Variants in SCHIP1 observed in about 807,000 individuals in gnomAD.
SCHIP1 encodes schwannomin interacting protein 1.
Under a neutral mutation model 29.7 loss-of-function variants are expected in SCHIP1, and 8 were observed. The observed-to-expected ratio is 0.27, with a 90% CI of 0.16 to 0.49. The LOEUF (loss-of-function observed/expected upper bound fraction) is 0.49. Among genes scored for constraint, SCHIP1 ranks in the 20% least tolerant of loss-of-function variants. The pLI, the probability that SCHIP1 is intolerant of heterozygous loss-of-function variation, is 0.99. For synonymous variants in SCHIP1, 76 were observed against 94.9 expected (o/e 0.80, Z 1.16); for missense variants, 193 against 294.6 (o/e 0.66, Z 2.52).
chr3:159,601,579 C>T, the SCHIP1 span, among the ~76,000 whole-genome samples: 1 of 152,196 alleles, frequency 6.6e-6, no homozygotes, highest in Admixed American at 6.5e-5. Flanking sequence ...ACAGAGGCTG[C>T]TCTGCCAGTG....
chr3:159,303,617 G>A, the SCHIP1 span, among the ~76,000 whole-genome samples: 2 of 151,996 alleles, frequency 1.3e-5, no homozygotes, highest in Non-Finnish European at 2.9e-5. Context: ...CCTACTGAGC[G>A]GTGGATTGAG....
chr3:159,515,246 C>G, the SCHIP1 span, among the ~76,000 whole-genome samples: 1 of 151,964 alleles, frequency 6.6e-6, no homozygotes, highest in East Asian at 1.9e-4. Context: ...TGCTCACAAT[C>G]CTTTAATAAT....
the SCHIP1 span, among the ~76,000 whole-genome samples, chr3:159,308,055 T>C: frequency 6.6e-6 from 1 of 152,126 alleles, no homozygotes; most frequent in East Asian, 1.9e-4. Flanking sequence ...CTTTGGTTAT[T>C]TAGGCTCTTT....
At chr3:159,493,209 C>T in the SCHIP1 span, among the ~76,000 whole-genome samples, 1 of 152,022 alleles carries the variant, frequency 6.6e-6, no homozygotes, top group Admixed American at 6.6e-5. Context: ...AGCAAAATAA[C>T]CAGCTAACAT....
the SCHIP1 span, among the ~76,000 whole-genome samples, chr3:159,491,296 C>T: frequency 6.6e-6 from 1 of 152,208 alleles, no homozygotes; most frequent in African/African-American, 2.4e-5. Context: ...TGAGTCGAAG[C>T]AGGGCGAGGC....
intron 1 of SCHIP1, among the ~76,000 whole-genome samples, chr3:159,843,001 C>CTTCTTTTTTT (rs1744394617): frequency 6.3e-5 from 4 of 63,710 alleles, no homozygotes; most frequent in African/African-American, 1.9e-4. Context: ...ATATTTCTTT[C>CTTCTTTTTTT]TTTTTTTTTT....
chr3:159,402,478 A>T, the SCHIP1 span, among the ~76,000 whole-genome samples: 1 of 152,214 alleles, frequency 6.6e-6, no homozygotes, highest in Non-Finnish European at 1.5e-5. Flanking sequence ...AGACATATGC[A>T]CACATATATT....
chr3:159,827,207 G>C, the SCHIP1 span, among the ~76,000 whole-genome samples: 2 of 152,144 alleles, frequency 1.3e-5, no homozygotes, highest in Non-Finnish European at 2.9e-5. Flanking sequence ...AATGAGAAAG[G>C]ATGTACGAAC....
chr3:159,783,832 G>T, the SCHIP1 span, among the ~76,000 whole-genome samples: 25 of 152,122 alleles, frequency 1.6e-4, no homozygotes, highest in Admixed American at 4.6e-4. Context: ...TAAAACAGAG[G>T]TCCCAGCCTT....
the SCHIP1 span, among the ~76,000 whole-genome samples, chr3:159,574,328 T>C: frequency 1.3e-5 from 2 of 152,334 alleles, no homozygotes; most frequent in East Asian, 3.9e-4. Flanking sequence ...ATGTTGATGC[T>C]ATTCCTTTCT....
At chr3:159,751,084 T>C in the SCHIP1 span, among the ~76,000 whole-genome samples, 1 of 152,336 alleles carries the variant, frequency 6.6e-6, no homozygotes, top group Admixed American at 6.5e-5. Context: ...TCTAGTACTC[T>C]AATGATCGAA....
the SCHIP1 span, among the ~76,000 whole-genome samples, chr3:159,322,985 C>A: frequency 2.0e-5 from 3 of 152,206 alleles, no homozygotes; most frequent in African/African-American, 7.2e-5. Flanking sequence ...CTCTTTGTCA[C>A]CCACAGCTCC....
chr3:159,801,982 CTAAGTCTTAAGGAAGT>C, the SCHIP1 span, among the ~76,000 whole-genome samples: 145 of 152,206 alleles, frequency 9.5e-4, no homozygotes, highest in Middle Eastern at 6.8e-3. Flanking sequence ...GTTGAAGAAA[CTAAGTCTTAAGGAAGT>C]TAAGGCCACC....
chr3:159,393,549 A>G, the SCHIP1 span, among the ~76,000 whole-genome samples: 1 of 151,528 alleles, frequency 6.6e-6, no homozygotes, highest in Non-Finnish European at 1.5e-5. Context: ...CAGTTTTCCC[A>G]GCACCATTTA....
the SCHIP1 span, among the ~76,000 whole-genome samples, chr3:159,302,739 A>G: frequency 6.6e-6 from 1 of 152,208 alleles, no homozygotes. Context: ...CAAGTAAAAC[A>G]TTGTCTTAGG....
the SCHIP1 span, among the ~76,000 whole-genome samples, chr3:159,486,197 A>T: frequency 6.6e-6 from 1 of 152,198 alleles, no homozygotes; most frequent in African/African-American, 2.4e-5. Flanking sequence ...TATACAATAC[A>T]GTATTGTTAA....
At chr3:159,654,416 A>G in the SCHIP1 span, among the ~76,000 whole-genome samples, 21 of 152,244 alleles carry the variant, frequency 1.4e-4, no homozygotes, top group Non-Finnish European at 2.4e-4. Context: ...TTCTGCACCT[A>G]TAAAATTATG....
the SCHIP1 span, among the ~76,000 whole-genome samples, chr3:159,447,936 C>A: frequency 6.6e-6 from 1 of 152,112 alleles, no homozygotes; most frequent in Non-Finnish European, 1.5e-5. Flanking sequence ...TTAAGGGATG[C>A]AGAGTCTCAT....
chr3:159,605,394 A>G, the SCHIP1 span, among the ~76,000 whole-genome samples: 2 of 152,104 alleles, frequency 1.3e-5, no homozygotes, highest in Admixed American at 6.5e-5. Context: ...TCCTGAGTGA[A>G]CTCAGTGCTG....
Sources: allele counts gnomAD v4.1 joint callset (sites outside exome capture counted in the v4.1 genomes callset), GRCh38; gene constraint gnomAD v4.1.1; transcripts MANE v1.5; gene names NCBI Gene and HGNC (gene_info 2026-07-23, HGNC 2026-07-21).